The following FOXP2 variants were observed in gnomAD, a reference collection of about 807,000 sequenced individuals.
The protein encoded by FOXP2 is forkhead box P2.
Under a neutral mutation model 115.8 loss-of-function variants are expected in FOXP2, and 12 were observed. The observed-to-expected ratio is 0.10, with a 90% CI of 0.07 to 0.17. FOXP2 has a LOEUF of 0.17. FOXP2 is among the 10% of genes least tolerant of loss of function. The probability of loss-of-function intolerance (pLI) is 1.00; values close to 1 mark genes in which losing one functional copy is unlikely to be tolerated. For synonymous variants in FOXP2, 328 were observed against 297.7 expected (o/e 1.10, Z -1.05); for missense variants, 629 against 843.5 (o/e 0.75, Z 3.15).
rs7777119 is a variant in FOXP2 at position 114,611,254 on chromosome 7, G to A, written c.259-17286G>A. On this transcript the variant is annotated intron_variant, in intron 3 of 16. Transcript: ENST00000350908. ...TACGGATTTCTACTGAGCCACTTAT[G>A]TGAACACATTTAAAAATTTTACTCT... Among the ~76,000 whole-genome samples the A allele has an allele frequency of 6.2e-3, 947 of 152,240 alleles. 11 individuals carry two copies. Among genetic ancestry groups the A allele is most frequent in the African/African-American group, 0.022 (896 of 41,526 alleles).
chr7:114,166,541 G>T (rs556187597), intron 1 of FOXP2, among the ~76,000 whole-genome samples: 1 of 151,934 alleles, frequency 6.6e-6, no homozygotes, highest in South Asian at 2.1e-4. Flanking sequence ...TGTCGCTACT[G>T]AAAATACAAA....
intron 2 of FOXP2, among the ~76,000 whole-genome samples, chr7:114,433,781 T>C (rs929798888): frequency 6.6e-6 from 1 of 151,972 alleles, no homozygotes; most frequent in Non-Finnish European, 1.5e-5. Context: ...CAAATAGATT[T>C]CATAGTATTA....
intron 3 of FOXP2, among the ~76,000 whole-genome samples, chr7:114,585,090 T>C (rs1464155825): frequency 6.6e-6 from 1 of 152,220 alleles, no homozygotes. Context: ...CAATTTTATT[T>C]TTCTTCCATG....
intron 3 of FOXP2, among the ~76,000 whole-genome samples, chr7:114,568,145 G>C (rs1801113204): frequency 6.6e-6 from 1 of 151,706 alleles, no homozygotes; most frequent in Non-Finnish European, 1.5e-5. Flanking sequence ...AGAGTGACAG[G>C]GACAGAGAAA....
rs146709063 is a variant in FOXP2 at position 114,281,839 on chromosome 7, A to G, written c.-101-6180A>G. On this transcript the variant is annotated intron_variant, in intron 1 of 17. Coordinates refer to the FOXP2 transcript ENST00000634411. ...CAAGGTACAGTTTTATTTCATCTCT[A>G]TTTCTGTGAATGTATCTTCTTAATG... Among the ~76,000 whole-genome samples the G allele has an allele frequency of 3.0e-4, 45 of 152,056 alleles. 1 individual carries two copies. The East Asian group carries it at 5.8e-3, about 20-fold the overall frequency.
intron 1 of FOXP2, among the ~76,000 whole-genome samples, chr7:114,273,680 C>G (rs969010655): frequency 6.6e-6 from 1 of 151,950 alleles, no homozygotes; most frequent in African/African-American, 2.4e-5. Context: ...AGAATTGACC[C>G]CTTTAACACT....
intron 2 of FOXP2, among the ~76,000 whole-genome samples, chr7:114,501,013 T>A (rs1562962676): frequency 6.6e-6 from 1 of 152,138 alleles, no homozygotes; most frequent in Non-Finnish European, 1.5e-5. Flanking sequence ...TGATAAATTT[T>A]TCTTGTTAGG....
chr7:114,675,654 G>A (rs1807713538), intron 16 of FOXP2, among the ~76,000 whole-genome samples: 2 of 152,048 alleles, frequency 1.3e-5, no homozygotes, highest in Admixed American at 1.3e-4. Flanking sequence ...ATAATCTTGT[G>A]CCAAGTACTG....
chr7:114,235,400 A>C (rs961597270), intron 1 of FOXP2, among the ~76,000 whole-genome samples: 9 of 151,684 alleles, frequency 5.9e-5, no homozygotes, highest in African/African-American at 2.2e-4. Context: ...GTTTTTTATC[A>C]CTTAAAAAAA....
chr7:114,440,380 A>G (rs10486026), intron 2 of FOXP2, among the ~76,000 whole-genome samples: 25,390 of 152,132 alleles, frequency 0.17, 2,594 homozygotes, highest in Non-Finnish European at 0.24. Context: ...TTGGGCTACT[A>G]TAATGTATGA....
At chr7:114,122,198 G>A (rs1037707126) in intron 1 of FOXP2, among the ~76,000 whole-genome samples, 8 of 152,014 alleles carry the variant, frequency 5.3e-5, no homozygotes, top group African/African-American at 1.9e-4. Context: ...AATATGTAAG[G>A]AGTTTCTTTA....
intron 2 of FOXP2, among the ~76,000 whole-genome samples, chr7:114,336,126 C>T (rs962975061): frequency 6.6e-6 from 1 of 151,520 alleles, no homozygotes; most frequent in Non-Finnish European, 1.5e-5. Context: ...TTTGGAAGTG[C>T]AGCAAGTGAG....
At chr7:114,443,224 A>G (rs1056055117) in intron 2 of FOXP2, among the ~76,000 whole-genome samples, 2 of 152,216 alleles carry the variant, frequency 1.3e-5, no homozygotes, top group Admixed American at 1.3e-4. Flanking sequence ...ATTTAAAGAT[A>G]ACTCTTACAG....
intron 1 of FOXP2, among the ~76,000 whole-genome samples, chr7:114,145,194 A>G (rs937668271): frequency 6.6e-6 from 1 of 152,150 alleles, no homozygotes; most frequent in African/African-American, 2.4e-5. Context: ...TCTTACCCCC[A>G]TAGAGCTCAA....
At chr7:114,454,172 G>C (rs990349646) in intron 2 of FOXP2, among the ~76,000 whole-genome samples, 1 of 150,818 alleles carries the variant, frequency 6.6e-6, no homozygotes, top group Non-Finnish European at 1.5e-5. Context: ...AAATTTACAA[G>C]AAAAAAACAA....
intron 2 of FOXP2, among the ~76,000 whole-genome samples, chr7:114,405,347 T>C (rs1007542991): frequency 1.3e-5 from 2 of 151,910 alleles, no homozygotes; most frequent in East Asian, 3.8e-4. Flanking sequence ...TGCAGTTTCT[T>C]TTAAATTAAA....
At position 114,366,950 on chromosome 7, in the gene FOXP2, G is replaced by A. The variant is rs138947476; in HGVS notation, c.-10-59552G>A. Among the ~76,000 whole-genome samples, 418 of 152,090 alleles carry A rather than the reference G, an allele frequency of 2.7e-3. 3 individuals are homozygous for A. Among genetic ancestry groups the A allele is most frequent in the African/African-American group, 9.7e-3 (404 of 41,514 alleles). On this transcript the variant is annotated intron_variant, in intron 2 of 17. Transcript: ENST00000634411. Reference sequence around the variant, plus strand: ...AGATTGGATATTAAGGAATTCAAATGACCAGGTCTGTTATTAGAATAAGGA... The same window carrying A: ...AGATTGGATATTAAGGAATTCAAATAACCAGGTCTGTTATTAGAATAAGGA...
chr7:114,457,695 G>C (rs112296810), intron 2 of FOXP2, among the ~76,000 whole-genome samples: 12,754 of 152,060 alleles, frequency 0.084, 552 homozygotes, highest in Middle Eastern at 0.16. Flanking sequence ...TCAGGAGATC[G>C]AGACCATCCT....
intron 3 of FOXP2, 133 bp downstream of exon 3, chr7:114,534,839 A>G (rs1799302609): frequency 1.4e-6 from 1 of 721,792 alleles, no homozygotes. Flanking sequence ...ATTCATAAAG[A>G]GAATTCATTT....
Sources: allele counts gnomAD v4.1 joint callset (sites outside exome capture counted in the v4.1 genomes callset), GRCh38; gene constraint gnomAD v4.1.1; transcripts MANE v1.5; gene names NCBI Gene and HGNC (gene_info 2026-07-23, HGNC 2026-07-21).